MAPK14: variants seen among roughly 807,000 people sequenced by gnomAD.
MAPK14 encodes mitogen-activated protein kinase 14.
Under a neutral mutation model 49.6 loss-of-function variants are expected in MAPK14, and 16 were observed. That is an observed-to-expected ratio of 0.32 (90% CI 0.22 to 0.49). The LOEUF (loss-of-function observed/expected upper bound fraction) is 0.49. MAPK14 is among the 20% of genes least tolerant of loss of function. The pLI is 0.99. For missense variants in MAPK14, 200 were observed against 441.2 expected (o/e 0.45, Z 4.90); for synonymous variants, 142 against 158.0 (o/e 0.90, Z 0.76).
intron 8 of MAPK14, among the ~76,000 whole-genome samples, chr6:36,087,104 G>A (rs1385725929): frequency 6.6e-6 from 1 of 152,146 alleles, no homozygotes; most frequent in East Asian, 1.9e-4. Context: ...ATCCCTTCAT[G>A]TTAAAAACTC....
chr6:36,121,436 T>C, the MAPK14 span, among the ~76,000 whole-genome samples: 2 of 152,286 alleles, frequency 1.3e-5, no homozygotes, highest in South Asian at 2.1e-4. Context: ...GCACCCTCTT[T>C]CCAGGTGACC....
At chr6:36,083,295 C>T (rs987528366) in intron 8 of MAPK14, among the ~76,000 whole-genome samples, 32 of 152,318 alleles carry the variant, frequency 2.1e-4, no homozygotes, top group African/African-American at 7.5e-4. Context: ...GATTGTTCTA[C>T]CCTGTCCAGG....
chr6:36,065,396 C>T (rs1466828208), intron 3 of MAPK14, among the ~76,000 whole-genome samples: 1 of 151,754 alleles, frequency 6.6e-6, no homozygotes, highest in Non-Finnish European at 1.5e-5. Context: ...TCAGGAAAGC[C>T]TCTGCAAAAA....
rs1762393460 is a variant in MAPK14, at chr6:36,028,382, G to C, written c.116+109G>C. The C allele has an allele frequency of 1.3e-6, 1 of 753,190 alleles. No individual in the cohort carries two copies. The highest frequency in any genetic ancestry group is 2.2e-6 in the Non-Finnish European group (1 of 444,722). 46.7% of individuals were successfully genotyped at this position (753,190 alleles called of 1,614,324 possible). A position where few individuals can be genotyped will look rare whatever the true frequency, so the allele number is the denominator to read the frequency against. ...GCGTCAAGTGGCAGGAATTTTCCTCGGGGGAGGGCATTGCTGCCCCTTCGA... is the reference window on the plus strand; with the variant it reads ...GCGTCAAGTGGCAGGAATTTTCCTCCGGGGAGGGCATTGCTGCCCCTTCGA... On this transcript the variant is annotated intron_variant, in intron 1 of 11. Transcript: ENST00000229794. The surrounding 1 kb of genome is among the most constrained non-coding windows in gnomAD (Gnocchi z 5.1).
rs1764395288 is a variant in MAPK14 at position 36,073,585 on chromosome 6, A to G, written c.418-106A>G. 1.3e-5 allele frequency: 11 copies of G among 821,626 alleles called. No homozygotes were observed. The East Asian group carries it at 2.2e-4, about 17-fold the overall frequency. The allele number at this position is 821,626 out of a possible 1,614,324, so 50.9% of individuals were successfully genotyped here. On this transcript the variant is annotated intron_variant, in intron 4 of 11. Coordinates refer to ENST00000229794, the MANE Select transcript of MAPK14 (RefSeq NM_139012.3). The stretch of plus-strand genomic sequence containing the variant: ...ACTTATGCTGATTTCTAATCTTACT[A>G]TTAACACTAGCAGTTCTTACTGATT...
At chr6:36,038,160 A>G (rs1435508268) in intron 1 of MAPK14, among the ~76,000 whole-genome samples, 1 of 152,184 alleles carries the variant, frequency 6.6e-6, no homozygotes, top group Non-Finnish European at 1.5e-5. Context: ...ACTTTTAAGA[A>G]AGGTGAATAC....
intron 9 of MAPK14, among the ~76,000 whole-genome samples, chr6:36,098,566 A>G (rs984829288): frequency 2.2e-4 from 34 of 152,336 alleles, no homozygotes; most frequent in African/African-American, 7.0e-4. Context: ...TAATTAAATT[A>G]GATAAAAAAG....
chr6:36,101,328 C>A lies in MAPK14; in HGVS notation c.763-1243C>A, dbSNP rs577228677. 2.6e-5 allele frequency among the ~76,000 whole-genome samples: 4 copies of A among 152,230 alleles called. No homozygotes were observed. In the East Asian group the frequency reaches 7.7e-4, roughly 29 times the overall value. ...TAGCACATGCCTGTAGTCCCAGCTA[C>A]TTGGGAAGCTGAGGCAGGAGGGTTG... On this transcript the variant is annotated intron_variant, in intron 9 of 11. Transcript: ENST00000229794.
At chr6:36,090,792 G>T (rs1468531683) in intron 8 of MAPK14, among the ~76,000 whole-genome samples, 4 of 152,152 alleles carry the variant, frequency 2.6e-5, no homozygotes, top group African/African-American at 9.7e-5. Context: ...CCAAAAGCAA[G>T]TGTCCAATAA....
In MAPK14 at chr6:36,108,628, G is replaced by A. The variant is rs61764195; in HGVS notation, c.*181G>A. The A allele has an allele frequency of 1.4e-3, 853 of 613,212 alleles. 5 individuals carry two copies. The highest frequency in any genetic ancestry group is 0.013 in the African/African-American group (713 of 54,550). The allele number at this position is 613,212 out of a possible 1,614,324, so 38.0% of individuals were successfully genotyped here. A position where few individuals can be genotyped will look rare whatever the true frequency, so the allele number is the denominator to read the frequency against. ...CATGTGTGTGTCTGTCTTTGTGGGA[G>A]GGTAAGACAATATGAACAAACTATG... On this transcript the variant is annotated 3_prime_UTR_variant, in exon 12 of 12. Transcript: ENST00000229794.
At chr6:36,071,312 G>A (rs983338951) in intron 3 of MAPK14, among the ~76,000 whole-genome samples, 17 of 151,440 alleles carry the variant, frequency 1.1e-4, no homozygotes, top group African/African-American at 3.6e-4. Flanking sequence ...CAGCCTGGGC[G>A]ACAGAGCAAG....
chr6:36,047,654 G>T (rs1763232319), intron 1 of MAPK14, among the ~76,000 whole-genome samples: 1 of 152,114 alleles, frequency 6.6e-6, no homozygotes, highest in Non-Finnish European at 1.5e-5. Context: ...ACAAGGTTGA[G>T]CAGCTTCAGC....
chr6:36,056,778 G>A (rs1256119966), intron 2 of MAPK14, among the ~76,000 whole-genome samples: 2 of 152,056 alleles, frequency 1.3e-5, no homozygotes, highest in Non-Finnish European at 2.9e-5. Context: ...TGAGGAGATG[G>A]GCATCTCAGA....
At chr6:36,053,311 A>G (rs895934976) in intron 2 of MAPK14, among the ~76,000 whole-genome samples, 6 of 150,934 alleles carry the variant, frequency 4.0e-5, no homozygotes, top group African/African-American at 9.7e-5. Flanking sequence ...TGAAAGTCCT[A>G]TCAGAGATGG....
intron 1 of MAPK14, among the ~76,000 whole-genome samples, chr6:36,046,086 A>G (rs1763169097): frequency 6.6e-6 from 1 of 152,206 alleles, no homozygotes. Flanking sequence ...ATGTGTAACA[A>G]AACATTGAAG....
At chr6:36,064,654 A>G (rs1763973919) in intron 3 of MAPK14, among the ~76,000 whole-genome samples, 1 of 152,190 alleles carries the variant, frequency 6.6e-6, no homozygotes. Context: ...TTTTTATTTC[A>G]ATGTAAAAGT....
chr6:36,078,163 A>T (rs1351628920), intron 8 of MAPK14, among the ~76,000 whole-genome samples: 4 of 152,172 alleles, frequency 2.6e-5, no homozygotes, highest in African/African-American at 9.6e-5. Flanking sequence ...CCAGCTATGT[A>T]ACTTTGAGTA....
chr6:36,035,931 T>C (rs58632953), intron 1 of MAPK14, among the ~76,000 whole-genome samples: 32,358 of 152,044 alleles, frequency 0.21, 3,426 homozygotes, highest in African/African-American at 0.22. Flanking sequence ...GCATAACTTA[T>C]AGTGCAAGGT....
intron 9 of MAPK14, chr6:36,097,507 A>G (rs2127469106): frequency 6.6e-6 from 1 of 152,288 alleles, no homozygotes; most frequent in South Asian, 2.1e-4. Context: ...GCTTAGAAAC[A>G]CTGTCTTACA....
Sources: gnomAD v4.1 joint callset for allele counts (sites outside exome capture counted in the v4.1 genomes callset) on GRCh38, gnomAD v4.1.1 for gene constraint, Gnocchi (gnomAD v3.1) non-coding constraint, MANE v1.5 for transcripts, NCBI Gene and HGNC (gene_info 2026-07-23, HGNC 2026-07-21) for gene names.